The following CDT1 variants were observed in gnomAD, a reference collection of about 807,000 sequenced individuals.
The protein encoded by CDT1 is DNA replication factor Cdt1.
Under a neutral mutation model 49.3 loss-of-function variants are expected in CDT1, and 66 were observed. The ratio of observed to expected loss-of-function variants is 1.34; its 90% confidence interval spans 1.10 to 1.64. The LOEUF (loss-of-function observed/expected upper bound fraction) is 1.64, where lower values mean the gene tolerates loss of function less well. CDT1 is among the 40% of genes most tolerant of loss of function. CDT1 has a pLI of 0.00. For missense variants in CDT1, 958 were observed against 807.7 expected, an observed-to-expected ratio of 1.19 and a Z score of -2.26; for synonymous variants, 424 against 347.4, an observed-to-expected ratio of 1.22 and a Z score of -2.45.
chr16:88,806,403 G>C, intron 6 of CDT1, 83 bp from the exon 7 acceptor site: 1 of 1,503,968 alleles, frequency 6.6e-7, no homozygotes, highest in Non-Finnish European at 9.0e-7. Flanking sequence ...GCCCGGCTGG[G>C]ACGTAAGCAC....
In CDT1 at chr16:88,809,225, CTAAACTCTAA is replaced by C; in HGVS notation, c.*952_*961del. 2.8e-6 allele frequency: 1 copy of C among 351,538 alleles called. No homozygotes were observed. The highest frequency in any genetic ancestry group is 5.6e-6 in the Non-Finnish European group (1 of 177,816). The allele number at this position is 351,538 out of a possible 1,614,324, so 21.8% of individuals were successfully genotyped here. Reference sequence around the variant, plus strand: ...CCTTGACTTCAGTATTTCTGACCTCCTAAACTCTAATAAAGTCATGCTTACAGCCACTAGA... The same window carrying C: ...CCTTGACTTCAGTATTTCTGACCTCCTAAAGTCATGCTTACAGCCACTAGA... On this transcript the variant is annotated 3_prime_UTR_variant, in exon 10 of 10. Coordinates refer to ENST00000301019, the MANE Select transcript of CDT1 (RefSeq NM_030928.4).
Position 88,805,504 on chromosome 16 carries a change from G to T in CDT1, c.553G>T (p.Val185Leu), listed in dbSNP as rs577211739. The change falls in exon 4 of 10, where the codon GTG becomes TTG. Residue 185 changes from valine (V) to leucine (L), a missense_variant. By Grantham distance (32) the Val-to-Leu change is conservative. Coordinates refer to ENST00000301019, the MANE Select transcript of CDT1 (RefSeq NM_030928.4). ...GGCCCAGCCCGGCCTGCCGGGACTCGTGCTGCCCTACAAGTACCAGGTGCT... is the reference window on the plus strand; with the variant it reads ...GGCCCAGCCCGGCCTGCCGGGACTCTTGCTGCCCTACAAGTACCAGGTGCT... The part of the protein sequence containing the change: ...ALAQPGLPGL[V>L]LPYKYQVLAE... The T allele has an allele frequency of 1.2e-6, 2 of 1,612,912 alleles. No homozygotes were observed. The highest frequency in any genetic ancestry group is 1.3e-5 in the African/African-American group (1 of 75,062).
intron 1 of CDT1, 129 bp from the exon 2 acceptor site, chr16:88,804,416 G>C (rs889744160): frequency 2.5e-6 from 3 of 1,194,516 alleles, no homozygotes; most frequent in Non-Finnish European, 3.6e-6. Context: ...CCATCTACGG[G>C]AAGTCCTAAG....
chr16:88,807,243 CCTG>C (rs752111409), intron 8 of CDT1, 35 bp from the exon 9 acceptor site: 4 of 1,611,170 alleles, frequency 2.5e-6, no homozygotes, highest in Non-Finnish European at 2.5e-6. Flanking sequence ...CGCCTGGTGA[CCTG>C]CTGCCCACTA....
In CDT1 at chr16:88,804,840, G is replaced by T. The variant is rs1429736027; in HGVS notation, c.430G>T (p.Ala144Ser). 3 of 1,611,478 alleles carry T rather than the reference G, an allele frequency of 1.9e-6. No homozygotes were observed. Among genetic ancestry groups the T allele is most frequent in the African/African-American group, 2.7e-5 (2 of 74,922 alleles). ...AAGAGTCCGGGCGCTGAAGGCCAGT[G>T]CCCAGGATGCTGGGGAGTCCTGCAC... Reference protein sequence around the residue: ...GARVRALKASAQDAGESCTPE... With the variant: ...GARVRALKASSQDAGESCTPE... Residue 144 changes from alanine (A) to serine (S), a missense_variant, in exon 3 of 10, where the codon GCC becomes TCC. Ala to Ser is a moderately conservative substitution (Grantham distance 99). Transcript: ENST00000301019.
rs2142941803 is a variant in CDT1 at position 88,804,621 on chromosome 16, C to T, written c.305C>T (p.Thr102Ile). Residue 102 changes from threonine (T) to isoleucine (I), a missense_variant, in exon 2 of 10, where the codon ACC (threonine) becomes ATC (isoleucine). Transcript: ENST00000301019. ...PSPGQKIKKS[T>I]PAAGQPPHLT... The stretch of plus-strand genomic sequence containing the variant: ...CCGGGCCAGAAGATAAAGAAATCCA[C>T]CCCGGCAGCAGGTCAGCCGCCCCAC... 1 of 1,612,826 alleles carries T rather than the reference C, an allele frequency of 6.2e-7. No individual in the cohort carries two copies. The highest frequency in any genetic ancestry group is 1.7e-5 in the Admixed American group (1 of 60,016).
At chr16:88,806,360 A>G (rs1435510888) in intron 6 of CDT1, 126 bp from the exon 7 acceptor site, 31 of 1,214,960 alleles carry the variant, frequency 2.6e-5, no homozygotes, top group Admixed American at 4.0e-5. Flanking sequence ...CAAGCTGAGC[A>G]CTGGGCAGAG....
intron 3 of CDT1, 87 bp downstream of exon 3, chr16:88,804,985 TCTG>T: frequency 6.7e-7 from 1 of 1,490,724 alleles, no homozygotes; most frequent in Admixed American, 2.1e-5. Context: ...GAGGCCCAGG[TCTG>T]CTCCTTCCAG....
chr16:88,805,370 GAGGGGCCTGCTGTGGCGTTGGAGGGGT>G, intron 3 of CDT1, 43 bp from the exon 4 acceptor site: 2 of 1,572,564 alleles, frequency 1.3e-6, no homozygotes, highest in Admixed American at 1.7e-5. Context: ...CTCCCTGGCC[GAGGGGCCTGCTGTGGCGTTGGAGGGGT>G]AGGGGCCTAC....
At chr16:88,806,314 C>A in intron 6 of CDT1, 172 bp from the exon 7 acceptor site, 3 of 990,300 alleles carry the variant, frequency 3.0e-6, no homozygotes, top group South Asian at 1.4e-5. Context: ...AGGCGTTCAG[C>A]GAGCGCGGAC....
In CDT1 at chr16:88,806,563, G is replaced by A. The variant is rs1567502081; in HGVS notation, c.1011G>A (p.Val337=). 2 of 1,609,606 alleles carry A rather than the reference G, an allele frequency of 1.2e-6. No homozygotes were observed. Among genetic ancestry groups the A allele is most frequent in the Non-Finnish European group, 1.7e-6 (2 of 1,178,674 alleles). Residue 337 remains valine (V), a synonymous_variant, in exon 7 of 10, where the codon GTG becomes GTA. Coordinates refer to ENST00000301019, the MANE Select transcript of CDT1 (RefSeq NM_030928.4). The part of the protein sequence containing the change: ...QLTRWHPRFN[V]DEVPDIEPAA... ...CCCGCTGGCACCCGCGCTTCAACGTGGATGAAGTACCCGACATCGAGCCGG... is the reference window on the plus strand; with the variant it reads ...CCCGCTGGCACCCGCGCTTCAACGTAGATGAAGTACCCGACATCGAGCCGG...
intron 3 of CDT1, among the ~76,000 whole-genome samples, chr16:88,805,114 G>C (rs1308386594): frequency 6.6e-6 from 1 of 152,254 alleles, no homozygotes; most frequent in Non-Finnish European, 1.5e-5. Context: ...CTGCCTCGGG[G>C]ACTCTGGCAG....
rs1243248698 is a variant in CDT1 at position 88,803,789 on chromosome 16, C to T, written c.-43C>T. On this transcript the variant is annotated 5_prime_UTR_variant, in exon 1 of 10. Coordinates refer to ENST00000301019, the MANE Select transcript of CDT1 (RefSeq NM_030928.4). ...TGGCGGGAACCGCGCCCGCCTCTTC[C>T]TCCCTTCCTTCTTTCCTTGCTTTCG... 6.2e-6 allele frequency: 9 copies of T among 1,453,396 alleles called. No homozygotes were observed. The East Asian group carries it at 1.2e-4, about 19-fold the overall frequency. The allele number at this position is 1,453,396 out of a possible 1,614,324, so 90.0% of individuals were successfully genotyped here.
rs1211180608 is a variant in CDT1 at position 88,806,294 on chromosome 16, G to A, written c.933+173G>A. ...TCAGGGTGCAGCCGCAGGCACTGAG[G>A]AGGTCCCCAAGGCGTTCAGCGAGCG... On this transcript the variant is annotated intron_variant, in intron 6 of 9. Coordinates refer to ENST00000301019, the MANE Select transcript of CDT1 (RefSeq NM_030928.4). 3.7e-5 allele frequency: 36 copies of A among 963,032 alleles called. 1 individual carries two copies. Among genetic ancestry groups the A allele is most frequent in the South Asian group, 1.3e-4 (9 of 69,474 alleles). 59.7% of individuals were successfully genotyped at this position (963,032 alleles called of 1,614,324 possible).
At position 88,807,352 on chromosome 16, in the gene CDT1, G is replaced by T; in HGVS notation, c.1347G>T (p.Gln449His). ...TRCPEQEQRL[Q>H]RLERLPELAR... Reference sequence around the variant, plus strand: ...GCCCGGAGCAGGAGCAGCGGCTGCAGCGCTTAGAACGGCTGCCTGAGCTGG... The same window carrying T: ...GCCCGGAGCAGGAGCAGCGGCTGCATCGCTTAGAACGGCTGCCTGAGCTGG... Residue 449 changes from glutamine to histidine, a missense_variant, in exon 9 of 10, where the codon CAG becomes CAT. Transcript: ENST00000301019. 6.2e-7 allele frequency: 1 copy of T among 1,612,674 alleles called. No homozygotes were observed. The highest frequency in any genetic ancestry group is 8.5e-7 in the Non-Finnish European group (1 of 1,179,944).
Position 88,805,450 on chromosome 16 carries a change from GC to G in CDT1, c.500del (p.Ala167GlyfsTer60). 1 of 1,612,660 alleles carries G rather than the reference GC, an allele frequency of 6.2e-7. No individual in the cohort carries two copies. Among genetic ancestry groups the G allele is most frequent in the Non-Finnish European group, 8.5e-7 (1 of 1,179,902 alleles). ...GRPEEPCGEK[A>X]PAYQRFHALA... is the part of the protein sequence containing the mutation. ...CTCCCTCCCTGACAGTGGCGAGAAG[GC>G]GCCCGCCTACCAGCGCTTCCATGCC... On this transcript the variant is annotated frameshift_variant, in exon 4 of 10. Transcript: ENST00000301019. LOFTEE classifies it high-confidence loss of function.
chr16:88,805,595 C>A lies in CDT1; in HGVS notation c.644C>A (p.Thr215Asn). 6.2e-7 allele frequency: 1 copy of A among 1,612,832 alleles called. No individual in the cohort carries two copies. The highest frequency in any genetic ancestry group is 8.5e-7 in the Non-Finnish European group (1 of 1,179,972). ...CTCCACAACCGCTCCGAGACGCCCA[C>A]CTTTGCCAAGGTCCAGCGGGGCGTC... Reference protein sequence around the residue: ...GMLHNRSETPTFAKVQRGVQD... With the variant: ...GMLHNRSETPNFAKVQRGVQD... The change falls in exon 4 of 10, where the codon ACC (threonine) becomes AAC (asparagine). Residue 215 changes from threonine (T) to asparagine (N), a missense_variant. Physicochemically the swap from Thr to Asn is moderately conservative, Grantham distance 65. Coordinates refer to ENST00000301019, the MANE Select transcript of CDT1 (RefSeq NM_030928.4).
chr16:88,806,481 CCCAGGCCTT>C lies in CDT1; in HGVS notation c.934-2_940del. 1 of 1,610,254 alleles carries C rather than the reference CCCAGGCCTT, an allele frequency of 6.2e-7. No individual in the cohort carries two copies. Among genetic ancestry groups the C allele is most frequent in the Non-Finnish European group, 8.5e-7 (1 of 1,179,030 alleles). On this transcript the variant is annotated splice_acceptor_variant and splice_polypyrimidine_tract_variant and coding_sequence_variant and intron_variant, in exon 7 of 10. Transcript: ENST00000301019. LOFTEE classifies it high-confidence loss of function. Reference sequence around the variant, plus strand: ...CAGGGTCACCCATCTACTCCTTCTCCCCAGGCCTTCCTGGCCTCCCTGAGCCCCGCCATG... The same window carrying C: ...CAGGGTCACCCATCTACTCCTTCTCCCCTGGCCTCCCTGAGCCCCGCCATG...
chr16:88,804,924 G>C, intron 3 of CDT1, 26 bp downstream of exon 3: 3 of 1,537,212 alleles, frequency 2.0e-6, no homozygotes, highest in African/African-American at 2.7e-5. Context: ...GCGGCCACGA[G>C]GCCCCGGCAA....
Sources: gnomAD v4.1 joint callset for allele counts (sites outside exome capture counted in the v4.1 genomes callset) on GRCh38, gnomAD v4.1.1 for gene constraint, MANE v1.5 for transcripts, NCBI Gene and HGNC (gene_info 2026-07-23, HGNC 2026-07-21) for gene names.